The following IGSF21 variants were observed in gnomAD, a reference collection of about 807,000 sequenced individuals.
IGSF21 encodes immunoglobulin superfamily member 21.
IGSF21 carries 28 observed loss-of-function variants against 46.8 expected under a neutral mutation model. That is an observed-to-expected ratio of 0.60 (90% CI 0.44 to 0.82). The LOEUF (loss-of-function observed/expected upper bound fraction) is 0.82. IGSF21 is among the 40% of genes least tolerant of loss of function. The probability of loss-of-function intolerance (pLI) is 0.00; values close to 1 mark genes in which losing one functional copy is unlikely to be tolerated. For synonymous variants in IGSF21, 284 were observed against 273.6 expected (o/e 1.04, Z -0.38); for missense variants, 624 against 665.5 (o/e 0.94, Z 0.69).
intron 2 of IGSF21, among the ~76,000 whole-genome samples, chr1:18,231,141 G>A (rs1442827866): frequency 1.3e-5 from 2 of 152,190 alleles, no homozygotes; most frequent in African/African-American, 4.8e-5. Flanking sequence ...GGCCGCCACT[G>A]CCTGCTCAGC....
chr1:18,323,480 T>A (rs1455316249), intron 3 of IGSF21, among the ~76,000 whole-genome samples: 4 of 152,152 alleles, frequency 2.6e-5, no homozygotes, highest in Admixed American at 2.6e-4. Context: ...TGGCCCAGTG[T>A]GAGTCAAGAG....
intron 1 of IGSF21, among the ~76,000 whole-genome samples, chr1:18,203,318 G>A (rs925721139): frequency 6.6e-6 from 1 of 152,048 alleles, no homozygotes; most frequent in Non-Finnish European, 1.5e-5. Flanking sequence ...GTTTTGTTTT[G>A]TGTTGTTTGA....
At chr1:18,231,242 T>A (rs931316636) in intron 2 of IGSF21, among the ~76,000 whole-genome samples, 5 of 152,242 alleles carry the variant, frequency 3.3e-5, no homozygotes, top group African/African-American at 1.2e-4. Flanking sequence ...GGGATCATCC[T>A]GAGCTGTCAG....
chr1:18,277,876 G>T (rs1003207750), intron 2 of IGSF21, among the ~76,000 whole-genome samples: 2 of 152,176 alleles, frequency 1.3e-5, no homozygotes, highest in African/African-American at 4.8e-5. Context: ...AGGTTTGGCT[G>T]GGAAGGAGCG....
intron 6 of IGSF21, among the ~76,000 whole-genome samples, chr1:18,369,833 G>C (rs1028679219): frequency 1.3e-5 from 2 of 152,134 alleles, no homozygotes; most frequent in Non-Finnish European, 2.9e-5. Context: ...CCAACCCTTT[G>C]AGCTGTTTGT....
rs59704256 is a variant in IGSF21 at position 18,252,045 on chromosome 1, G to GTTTTTT, written c.183+24053_183+24058dup. Among the ~76,000 whole-genome samples, 139 of 72,074 alleles carry GTTTTTT rather than the reference G, an allele frequency of 1.9e-3. 9 individuals carry two copies. The highest frequency in any genetic ancestry group is 2.3e-3 in the Non-Finnish European group (92 of 39,556). 47.3% of individuals were successfully genotyped at this position (72,074 alleles called of 152,430 possible). On this transcript the variant is annotated intron_variant, in intron 2 of 9. Transcript: ENST00000251296. ...GGCTGGAACACTTTCTGACCAAGGCGTTTTTTTTTTTTTTTTTTTTTTTGA... is the reference window on the plus strand; with the variant it reads ...GGCTGGAACACTTTCTGACCAAGGCGTTTTTTTTTTTTTTTTTTTTTTTTTTTTTGA...
chr1:18,115,204 A>T (rs2086177632), intron 1 of IGSF21: 1 of 152,392 alleles, frequency 6.6e-6, no homozygotes, highest in Non-Finnish European at 1.5e-5. Context: ...CAGCTAGCAC[A>T]GTCCCTGGCT....
intron 1 of IGSF21, chr1:18,115,639 G>T (rs2086180840): frequency 1.3e-5 from 2 of 152,188 alleles, no homozygotes; most frequent in Non-Finnish European, 2.9e-5. Flanking sequence ...ATCACAGCTG[G>T]CATCTGGAGG....
At chr1:18,166,224 T>G (rs1257821372) in intron 1 of IGSF21, among the ~76,000 whole-genome samples, 1 of 152,182 alleles carries the variant, frequency 6.6e-6, no homozygotes, top group African/African-American at 2.4e-5. Context: ...AAATTTTACC[T>G]TGTATATTTT....
intron 3 of IGSF21, among the ~76,000 whole-genome samples, chr1:18,311,721 T>A (rs933003575): frequency 1.3e-5 from 2 of 152,166 alleles, no homozygotes; most frequent in Admixed American, 6.5e-5. Context: ...TAAAGGCACA[T>A]CTTACATGGT....
chr1:18,236,801 G>A (rs925247070), intron 2 of IGSF21, among the ~76,000 whole-genome samples: 15 of 152,222 alleles, frequency 9.9e-5, no homozygotes, highest in Non-Finnish European at 1.6e-4. Context: ...TCAGCTAGCT[G>A]TGTCTCACAC....
chr1:18,210,024 G>C (rs1487757863), intron 1 of IGSF21, among the ~76,000 whole-genome samples: 1 of 152,130 alleles, frequency 6.6e-6, no homozygotes, highest in Non-Finnish European at 1.5e-5. Context: ...CTGCACCTGG[G>C]CCTTCAGCAG....
intron 1 of IGSF21, among the ~76,000 whole-genome samples, chr1:18,165,342 G>A (rs1175761953): frequency 6.6e-6 from 1 of 152,158 alleles, no homozygotes; most frequent in South Asian, 2.1e-4. Context: ...TCACCTTTTT[G>A]CGGAGTCCTC....
chr1:18,159,928 A>G (rs1198934404), intron 1 of IGSF21, among the ~76,000 whole-genome samples: 1 of 151,848 alleles, frequency 6.6e-6, no homozygotes, highest in African/African-American at 2.4e-5. Context: ...TGATCCATCC[A>G]CCTTGGCCTC....
intron 2 of IGSF21, among the ~76,000 whole-genome samples, chr1:18,277,514 A>G (rs2085113678): frequency 6.6e-6 from 1 of 152,230 alleles, no homozygotes; most frequent in Non-Finnish European, 1.5e-5. Context: ...CCTTTGTCAA[A>G]CAAAGCAGTA....
chr1:18,327,029 T>C (rs2085664437), intron 3 of IGSF21, among the ~76,000 whole-genome samples: 1 of 152,036 alleles, frequency 6.6e-6, no homozygotes, highest in African/African-American at 2.4e-5. Context: ...TGGGCGAAGA[T>C]TAAAAGAAAA....
intron 1 of IGSF21, among the ~76,000 whole-genome samples, chr1:18,154,364 T>A (rs1385517853): frequency 6.6e-6 from 1 of 152,094 alleles, no homozygotes; most frequent in East Asian, 1.9e-4. Context: ...CCCTCTTTCC[T>A]ATATCAAAAC....
intron 2 of IGSF21, among the ~76,000 whole-genome samples, chr1:18,289,556 A>G (rs1243885798): frequency 1.3e-5 from 2 of 152,152 alleles, no homozygotes; most frequent in Non-Finnish European, 1.5e-5. Context: ...ATTCTTGTCT[A>G]TTCGGCTCTG....
chr1:18,299,353 G>A (rs1339643405), intron 3 of IGSF21, among the ~76,000 whole-genome samples: 1 of 152,218 alleles, frequency 6.6e-6, no homozygotes, highest in Non-Finnish European at 1.5e-5. Flanking sequence ...GTTTCCCTTT[G>A]AAAAGTTAAA....
Sources: allele counts gnomAD v4.1 joint callset (sites outside exome capture counted in the v4.1 genomes callset), GRCh38; gene constraint gnomAD v4.1.1; transcripts MANE v1.5; gene names NCBI Gene and HGNC (gene_info 2026-07-23, HGNC 2026-07-21).